MASP1: variants seen among roughly 807,000 people sequenced by gnomAD.
MASP1 encodes the protein MBL associated serine protease 1.
MASP1 carries 59 observed loss-of-function variants against 77.1 expected under a neutral mutation model. The ratio of observed to expected loss-of-function variants is 0.77; its 90% confidence interval spans 0.62 to 0.95. The LOEUF is 0.95. Among genes scored for constraint, MASP1 ranks in the 40% least tolerant of loss-of-function variants. The pLI is 0.00. For synonymous variants in MASP1, 362 were observed against 354.5 expected, an observed-to-expected ratio of 1.02 and a Z score of -0.24; for missense variants, 885 against 912.9, an observed-to-expected ratio of 0.97 and a Z score of 0.39.
intron 2 of MASP1, among the ~76,000 whole-genome samples, chr3:187,264,719 C>T (rs1191113990): frequency 6.6e-6 from 1 of 152,096 alleles, no homozygotes; most frequent in Non-Finnish European, 1.5e-5. Context: ...TTTTTATCAG[C>T]CTATTCACTG....
chr3:187,242,932 C>T (rs542369464), intron 9 of MASP1: 68 of 179,896 alleles, frequency 3.8e-4, no homozygotes, highest in African/African-American at 1.5e-3. Flanking sequence ...ATCCACTCCT[C>T]GCTCCCCAAC....
Position 187,256,709 on chromosome 3 carries a change from G to A in MASP1, c.699C>T (p.Asp233=). 1 of 1,614,018 alleles carries A rather than the reference G, an allele frequency of 6.2e-7. No individual in the cohort carries two copies. The highest frequency in any genetic ancestry group is 8.5e-7 in the Non-Finnish European group (1 of 1,180,004). Residue 233 remains aspartate, a synonymous_variant, in exon 5 of 11, where the codon GAC becomes GAT. Coordinates refer to ENST00000296280, the MANE Select transcript of MASP1 (RefSeq NM_139125.4). The stretch of plus-strand genomic sequence containing the variant: ...AGGGCACCTCAGGATGGTCCTCAAT[G>A]TCAAATATGTCCTCAAACTGCAGGT... The part of the protein sequence containing the change: ...MVNLQFEDIF[D]IEDHPEVPCP...
At chr3:187,259,535 C>G (rs1312794734) in intron 4 of MASP1, among the ~76,000 whole-genome samples, 1 of 151,858 alleles carries the variant, frequency 6.6e-6, no homozygotes, top group Non-Finnish European at 1.5e-5. Flanking sequence ...TAAAAAAGCT[C>G]CTGGTGAAGG....
rs1714758869 is a variant in MASP1 at position 187,253,092 on chromosome 3, C to G, written c.892+76G>C. 1.9e-6 allele frequency: 3 copies of G among 1,591,736 alleles called. No homozygotes were observed. In the Admixed American group the frequency reaches 5.0e-5, roughly 27 times the overall value. ...TCTCCAGAGGAGATCCAAGCCTGCA[C>G]ACCTCCTCCCTCAGCCACTGCCTCT... On this transcript the variant is annotated intron_variant, in intron 6 of 10. Coordinates refer to ENST00000296280, the MANE Select transcript of MASP1 (RefSeq NM_139125.4).
At chr3:187,255,804 G>T (rs925665798) in intron 5 of MASP1, among the ~76,000 whole-genome samples, 9 of 151,748 alleles carry the variant, frequency 5.9e-5, no homozygotes, top group African/African-American at 2.2e-4. Context: ...CCTCCATCTA[G>T]GTCTCATAAT....
intron 11 of MASP1, among the ~76,000 whole-genome samples, chr3:187,227,085 A>G (rs1236947695): frequency 6.6e-6 from 1 of 152,252 alleles, no homozygotes; most frequent in African/African-American, 2.4e-5. Context: ...TGGTGAATGA[A>G]AAAAGAGTAA....
chr3:187,236,510 C>A lies in MASP1; in HGVS notation c.1361G>T (p.Arg454Leu), dbSNP rs147966392. 1 of 1,613,996 alleles carries A rather than the reference C, an allele frequency of 6.2e-7. No individual in the cohort carries two copies. The highest frequency in any genetic ancestry group is 1.7e-5 in the Admixed American group (1 of 59,966). ...CGGGAAGAGGCCAGGCTCAGCATTT[C>A]GGCCCCCAATGATCCTCTTGACCAG... is the stretch of plus-strand genomic sequence containing the variant. ...PSLVKRIIGG[R>L]NAEPGLFPWQ... The change falls in exon 11 of 11, where the codon CGA becomes CTA. Residue 454 changes from arginine (R) to leucine (L), a missense_variant. Coordinates refer to ENST00000296280, the MANE Select transcript of MASP1 (RefSeq NM_139125.4).
chr3:187,247,273 C>T, intron 8 of MASP1: 1 of 1,613,578 alleles, frequency 6.2e-7, no homozygotes, highest in Non-Finnish European at 8.5e-7. Context: ...CAGCTCTGGG[C>T]CCCAGGGGTC....
chr3:187,259,646 G>A (rs765320998), intron 4 of MASP1, among the ~76,000 whole-genome samples: 16 of 151,986 alleles, frequency 1.1e-4, no homozygotes, highest in East Asian at 1.9e-4. Context: ...GAACTTAACC[G>A]AATAAAAAAA....
intron 8 of MASP1, among the ~76,000 whole-genome samples, chr3:187,249,491 A>G (rs141479718): frequency 6.6e-6 from 1 of 152,248 alleles, no homozygotes; most frequent in African/African-American, 2.4e-5. Flanking sequence ...TGTGGTCCTT[A>G]TAAGTCTTTC....
At chr3:187,262,463 G>T in intron 3 of MASP1, 80 bp downstream of exon 3, 4 of 1,391,676 alleles carry the variant, frequency 2.9e-6, no homozygotes, top group Admixed American at 1.7e-5. Context: ...GATTTCCATC[G>T]TAAAGGAGAG....
chr3:187,231,761 G>C (rs1346527383), downstream of MASP1, among the ~76,000 whole-genome samples: 1 of 152,186 alleles, frequency 6.6e-6, no homozygotes, highest in Non-Finnish European at 1.5e-5. Context: ...ACCAAAGTCT[G>C]GTAAGACGGA....
chr3:187,291,393 G>T (rs1022801649), intron 1 of MASP1: 14 of 606,982 alleles, frequency 2.3e-5, no homozygotes, highest in Admixed American at 7.7e-5. Context: ...GCAGCGTCCG[G>T]AGCAGGATTT....
At chr3:187,227,913 C>G (rs898669394) in intron 11 of MASP1, among the ~76,000 whole-genome samples, 1 of 152,178 alleles carries the variant, frequency 6.6e-6, no homozygotes, top group African/African-American at 2.4e-5. Flanking sequence ...TCCCCTTCCT[C>G]TGTCCCTTGG....
At chr3:187,254,236 G>T (rs1714876811) in intron 5 of MASP1, among the ~76,000 whole-genome samples, 2 of 152,168 alleles carry the variant, frequency 1.3e-5, no homozygotes, top group Non-Finnish European at 2.9e-5. Flanking sequence ...GTTTATAATT[G>T]ATGTAAAATC....
chr3:187,223,807 C>G (rs1480875210), intron 13 of MASP1, among the ~76,000 whole-genome samples: 1 of 152,230 alleles, frequency 6.6e-6, no homozygotes, highest in African/African-American at 2.4e-5. Context: ...AGCCTGGATA[C>G]TGAAAACAGT....
intron 2 of MASP1, among the ~76,000 whole-genome samples, chr3:187,272,850 T>A (rs1302673463): frequency 1.3e-5 from 2 of 152,220 alleles, no homozygotes; most frequent in Non-Finnish European, 2.9e-5. Flanking sequence ...AGCCACCTAG[T>A]TTGTGGACAT....
intron 2 of MASP1, among the ~76,000 whole-genome samples, chr3:187,266,407 G>A (rs1156539958): frequency 6.6e-6 from 1 of 152,218 alleles, no homozygotes; most frequent in Admixed American, 6.5e-5. Flanking sequence ...ATGTGTTGGG[G>A]TATTCTCAGG....
chr3:187,259,844 G>A (rs745512228), intron 4 of MASP1, among the ~76,000 whole-genome samples: 1 of 152,304 alleles, frequency 6.6e-6, no homozygotes, highest in South Asian at 2.1e-4. Flanking sequence ...TTCCAAGTGA[G>A]ATTTCAAGCA....
Sources: gnomAD v4.1 joint callset for allele counts (sites outside exome capture counted in the v4.1 genomes callset) on GRCh38, gnomAD v4.1.1 for gene constraint, MANE v1.5 for transcripts, NCBI Gene and HGNC (gene_info 2026-07-23, HGNC 2026-07-21) for gene names.